Variants in SPPL2C observed in about 807,000 individuals in gnomAD.
SPPL2C encodes signal peptide peptidase-like 2C.
Under a neutral mutation model 38.8 loss-of-function variants are expected in SPPL2C, and 33 were observed. The ratio of observed to expected loss-of-function variants is 0.85; its 90% CI spans 0.64 to 1.14. The LOEUF is 1.14. Among genes scored for constraint, SPPL2C ranks in the 50% most tolerant of loss-of-function variants. The pLI, the probability that SPPL2C is intolerant of heterozygous loss-of-function variation, is 0.00. For missense variants in SPPL2C, 899 were observed against 904.4 expected, an observed-to-expected ratio of 0.99 and a Z score of 0.08; for synonymous variants, 384 against 390.7, an observed-to-expected ratio of 0.98 and a Z score of 0.20.
Position 45,845,393 on chromosome 17 carries a change from A to T in SPPL2C, c.487A>T (p.Ser163Cys), listed in dbSNP as rs1187034858. Residue 163 changes from serine to cysteine, a missense_variant, in exon 1 of 1, where the codon AGC becomes TGC. Coordinates refer to ENST00000329196, the MANE Select transcript of SPPL2C (RefSeq NM_175882.3). ...CTATGCTGACATGCTGGACATCCTC[A>T]GCCACACTCGTGGGGAGGCCGTCGT... ...LHYADMLDIL[S>C]HTRGEAVVRV... 2.5e-6 allele frequency: 4 copies of T among 1,613,510 alleles called. No individual in the cohort carries two copies. Among genetic ancestry groups the T allele is most frequent in the Non-Finnish European group, 3.4e-6 (4 of 1,180,032 alleles).
rs77011359 is a variant in SPPL2C at position 45,846,396 on chromosome 17, G to T, written c.1490G>T (p.Gly497Val). The change falls in exon 1 of 1, where the codon GGC (glycine) becomes GTC (valine). Residue 497 changes from glycine to valine, a missense_variant. Physicochemically the swap from Gly to Val is moderately radical, Grantham distance 109. Coordinates refer to ENST00000329196, the MANE Select transcript of SPPL2C (RefSeq NM_175882.3). ...ATGGCCATGGTCCTCATGCAGATGG[G>T]CCAACCTGCCTTGCTCTACCTAGTG... Reference protein sequence around the residue: ...TFMAMVLMQMGQPALLYLVSS... With the variant: ...TFMAMVLMQMVQPALLYLVSS... The T allele has an allele frequency of 7.4e-6, 12 of 1,613,438 alleles. No individual in the cohort carries two copies. In the East Asian group the frequency reaches 2.7e-4, roughly 36 times the overall value.
Position 45,846,366 on chromosome 17 carries a change from C to A in SPPL2C, c.1460C>A (p.Thr487Lys). 1 of 1,613,924 alleles carries A rather than the reference C, an allele frequency of 6.2e-7. No individual in the cohort carries two copies. Among genetic ancestry groups the A allele is most frequent in the Non-Finnish European group, 8.5e-7 (1 of 1,180,048 alleles). The change falls in exon 1 of 1, where the codon ACA (threonine) becomes AAA (lysine). Residue 487 changes from threonine (T) to lysine (K), a missense_variant. Physicochemically the swap from Thr to Lys is moderately conservative, Grantham distance 78 (BLOSUM62 -1). Coordinates refer to ENST00000329196, the MANE Select transcript of SPPL2C (RefSeq NM_175882.3). ...TVAYAVGLLV[T>K]FMAMVLMQMG... ...GCCTATGCTGTGGGCCTGCTGGTCA[C>A]ATTCATGGCCATGGTCCTCATGCAG... is the stretch of plus-strand genomic sequence containing the variant.
In SPPL2C at chr17:45,846,048, C is replaced by T; in HGVS notation, c.1142C>T (p.Ala381Val). 1 of 1,614,202 alleles carries T rather than the reference C, an allele frequency of 6.2e-7. No individual in the cohort carries two copies. Among genetic ancestry groups the T allele is most frequent in the Non-Finnish European group, 8.5e-7 (1 of 1,180,036 alleles). The change falls in exon 1 of 1, where the codon GCC becomes GTC. Residue 381 changes from alanine (A) to valine (V), a missense_variant. Coordinates refer to ENST00000329196, the MANE Select transcript of SPPL2C (RefSeq NM_175882.3). ...TLKNCSSFLL[A>V]LLAFDVFFVF... Reference sequence around the variant, plus strand: ...AAGAACTGCTCCTCCTTCCTGCTGGCCCTGCTGGCCTTTGATGTCTTCTTT... The same window carrying T: ...AAGAACTGCTCCTCCTTCCTGCTGGTCCTGCTGGCCTTTGATGTCTTCTTT...
Position 45,845,562 on chromosome 17 carries a change from G to A in SPPL2C, c.656G>A (p.Arg219Gln), listed in dbSNP as rs377550825. The part of the protein sequence containing the change: ...EANRLQRRRA[R>Q]RGGGSGGHHQ... Reference sequence around the variant, plus strand: ...AACCGGCTACAGCGGCGCCGTGCCCGAAGAGGAGGGGGGTCTGGTGGTCAC... The same window carrying A: ...AACCGGCTACAGCGGCGCCGTGCCCAAAGAGGAGGGGGGTCTGGTGGTCAC... Residue 219 changes from arginine to glutamine, a missense_variant, in exon 1 of 1, where the codon CGA (arginine) becomes CAA (glutamine). Physicochemically the swap from Arg to Gln is conservative, Grantham distance 43. Coordinates refer to ENST00000329196, the MANE Select transcript of SPPL2C (RefSeq NM_175882.3). 180 of 1,602,940 alleles carry A rather than the reference G, an allele frequency of 1.1e-4. No individual in the cohort carries two copies. The highest frequency in any genetic ancestry group is 1.3e-4 in the Admixed American group (8 of 59,808).
In SPPL2C at chr17:45,846,853, T is replaced by C. The variant is rs12373124; in HGVS notation, c.1947T>C (p.His649=). The change falls in exon 1 of 1, where the codon CAT becomes CAC. Residue 649 remains histidine, a synonymous_variant. Coordinates refer to ENST00000329196, the MANE Select transcript of SPPL2C (RefSeq NM_175882.3). ...TGCCCCCGCCCTCAGAGCTGGGCCA[T>C]GTCCATGCCCAGGCCCAGGCCCACG... ...PLMPPPSELG[H]VHAQAQAHET... 0.19 allele frequency: 304,483 copies of C among 1,613,288 alleles called. 32,769 individuals carry two copies. Among genetic ancestry groups the C allele is most frequent in the Non-Finnish European group, 0.22 (261,307 of 1,179,686 alleles).
In SPPL2C at chr17:45,846,395, G is replaced by A. The variant is rs756059301; in HGVS notation, c.1489G>A (p.Gly497Ser). 1.2e-6 allele frequency: 2 copies of A among 1,613,404 alleles called. No homozygotes were observed. Among genetic ancestry groups the A allele is most frequent in the East Asian group, 2.2e-5 (1 of 44,884 alleles). ...CATGGCCATGGTCCTCATGCAGATG[G>A]GCCAACCTGCCTTGCTCTACCTAGT... ...TFMAMVLMQM[G>S]QPALLYLVSS... The change falls in exon 1 of 1, where the codon GGC (glycine) becomes AGC (serine). Residue 497 changes from glycine to serine, a missense_variant. Transcript: ENST00000329196.
Position 45,846,773 on chromosome 17 carries a change from G to C in SPPL2C, c.1867G>C (p.Glu623Gln). The change falls in exon 1 of 1, where the codon GAG becomes CAG. Residue 623 changes from glutamate to glutamine, a missense_variant. Coordinates refer to ENST00000329196, the MANE Select transcript of SPPL2C (RefSeq NM_175882.3). ...GCCCTTCATCCCCCCTGGGGCCTCGGAGGAGCTGATGCCACTGATGCCAAT... is the reference window on the plus strand; with the variant it reads ...GCCCTTCATCCCCCCTGGGGCCTCGCAGGAGCTGATGCCACTGATGCCAAT... ...ELPFIPPGAS[E>Q]ELMPLMPMAM... The C allele has an allele frequency of 6.2e-7, 1 of 1,614,140 alleles. No individual in the cohort carries two copies. Among genetic ancestry groups the C allele is most frequent in the Middle Eastern group, 1.6e-4 (1 of 6,062 alleles).
Position 45,845,208 on chromosome 17 carries a change from G to A in SPPL2C, c.302G>A (p.Cys101Tyr), listed in dbSNP as rs774466747. The A allele has an allele frequency of 2.5e-5, 40 of 1,613,708 alleles. No individual in the cohort carries two copies. The highest frequency in any genetic ancestry group is 9.3e-6 in the Non-Finnish European group (11 of 1,179,882). Reference sequence around the variant, plus strand: ...ACTGCCATGGTCATGAGGGGTAACTGCAGCTTCCACACGAAAGGCTGGCTG... The same window carrying A: ...ACTGCCATGGTCATGAGGGGTAACTACAGCTTCCACACGAAAGGCTGGCTG... ...QTTAMVMRGN[C>Y]SFHTKGWLAQ... is the part of the protein sequence containing the mutation. Residue 101 changes from cysteine (C) to tyrosine (Y), a missense_variant, in exon 1 of 1, where the codon TGC (cysteine) becomes TAC (tyrosine). Coordinates refer to ENST00000329196, the MANE Select transcript of SPPL2C (RefSeq NM_175882.3).
In SPPL2C at chr17:45,845,900, G is replaced by A. The variant is rs62054815; in HGVS notation, c.994G>A (p.Ala332Thr). ...LPLLLLASLCATVIIFWVAYR... is the reference protein window; with the variant it reads ...LPLLLLASLCTTVIIFWVAYR... ...TCTGCTGCTGCTGGCGAGCCTGTGC[G>A]CAACCGTGATCATCTTCTGGGTGGC... is the stretch of plus-strand genomic sequence containing the variant. The change falls in exon 1 of 1, where the codon GCA becomes ACA. Residue 332 changes from alanine (A) to threonine (T), a missense_variant. Coordinates refer to ENST00000329196, the MANE Select transcript of SPPL2C (RefSeq NM_175882.3). 304,036 of 1,606,420 alleles carry A rather than the reference G, an allele frequency of 0.19. 32,753 individuals are homozygous for A. The highest frequency in any genetic ancestry group is 0.22 in the Non-Finnish European group (261,276 of 1,179,914).
chr17:45,846,440 A>T lies in SPPL2C; in HGVS notation c.1534A>T (p.Ser512Cys), dbSNP rs373603573. ...CCTAGTGTCCAGCACCCTGCTCACC[A>T]GCCTGGCTGTGGCTGCCTGCCGCCA... ...LYLVSSTLLT[S>C]LAVAACRQEL... Residue 512 changes from serine (S) to cysteine (C), a missense_variant, in exon 1 of 1, where the codon AGC becomes TGC. Transcript: ENST00000329196. The T allele has an allele frequency of 1.9e-6, 3 of 1,612,978 alleles. No homozygotes were observed. The highest frequency in any genetic ancestry group is 2.5e-6 in the Non-Finnish European group (3 of 1,180,034).
chr17:45,847,035 A>G lies in SPPL2C; in HGVS notation c.*74A>G. Reference sequence around the variant, plus strand: ...CAGAGCAAAGCCATGCATGGCAACAAGAAATCAGGGTATCAAAGAGATTTC... The same window carrying G: ...CAGAGCAAAGCCATGCATGGCAACAGGAAATCAGGGTATCAAAGAGATTTC... On this transcript the variant is annotated 3_prime_UTR_variant, in exon 1 of 1. Transcript: ENST00000329196. 2.1e-6 allele frequency: 3 copies of G among 1,435,734 alleles called. No homozygotes were observed. The South Asian group carries it at 4.1e-5, about 20-fold the overall frequency. 88.9% of individuals were successfully genotyped at this position (1,435,734 alleles called of 1,614,324 possible). A position where few individuals can be genotyped will look rare whatever the true frequency, so the allele number is the denominator to read the frequency against.
In SPPL2C at chr17:45,845,166, G is replaced by A. The variant is rs371164977; in HGVS notation, c.260G>A (p.Arg87Gln). The part of the protein sequence containing the change: ...HQAQLRSPSQ[R>Q]PLRQTTAMVM... Reference sequence around the variant, plus strand: ...GCCCAGCTCCGCTCCCCCAGCCAGCGGCCCCTCCGCCAGACCACTGCCATG... The same window carrying A: ...GCCCAGCTCCGCTCCCCCAGCCAGCAGCCCCTCCGCCAGACCACTGCCATG... The change falls in exon 1 of 1, where the codon CGG (arginine) becomes CAG (glutamine). Residue 87 changes from arginine to glutamine, a missense_variant. Coordinates refer to ENST00000329196, the MANE Select transcript of SPPL2C (RefSeq NM_175882.3). 2.8e-5 allele frequency: 45 copies of A among 1,612,384 alleles called. No homozygotes were observed. The Middle Eastern group carries it at 9.9e-4, about 35-fold the overall frequency.
chr17:45,845,920 G>C lies in SPPL2C; in HGVS notation c.1014G>C (p.Trp338Cys). ...TGTGCGCAACCGTGATCATCTTCTG[G>C]GTGGCCTACCGCAATGAGGACCGCT... ...ASLCATVIIFWVAYRNEDRWA... is the reference protein window; with the variant it reads ...ASLCATVIIFCVAYRNEDRWA... The change falls in exon 1 of 1, where the codon TGG becomes TGC. Residue 338 changes from tryptophan (W) to cysteine (C), a missense_variant. Transcript: ENST00000329196. The C allele has an allele frequency of 1.2e-6, 2 of 1,607,944 alleles. No homozygotes were observed. Among genetic ancestry groups the C allele is most frequent in the Non-Finnish European group, 1.7e-6 (2 of 1,179,996 alleles).
rs913720141 is a variant in SPPL2C at position 45,845,699 on chromosome 17, T to C, written c.793T>C (p.Ser265Pro). Residue 265 changes from serine to proline, a missense_variant, in exon 1 of 1, where the codon TCG becomes CCG. Physicochemically the swap from Ser to Pro is moderately conservative, Grantham distance 74 (BLOSUM62 -1). Transcript: ENST00000329196. ...MTGVVVTLSC[S>P]LMLLLYFFYD... ...AGGCGTGGTGGTCACCCTGTCCTGC[T>C]CGCTCATGCTGCTGCTCTACTTCTT... The C allele has an allele frequency of 3.7e-6, 6 of 1,613,740 alleles. No individual in the cohort carries two copies. In the African/African-American group the frequency reaches 4.0e-5, roughly 11 times the overall value.
In SPPL2C at chr17:45,846,760, C is replaced by A. The variant is rs759005483; in HGVS notation, c.1854C>A (p.Pro618=). Residue 618 remains proline, a synonymous_variant, in exon 1 of 1, where the codon CCC becomes CCA. Coordinates refer to ENST00000329196, the MANE Select transcript of SPPL2C (RefSeq NM_175882.3). The part of the protein sequence containing the change: ...HLDPNELPFI[P]PGASEELMPL... The stretch of plus-strand genomic sequence containing the variant: ...ATCCTAATGAGCTGCCCTTCATCCC[C>A]CCTGGGGCCTCGGAGGAGCTGATGC... The A allele has an allele frequency of 1.9e-6, 3 of 1,614,180 alleles. No individual in the cohort carries two copies. Among genetic ancestry groups the A allele is most frequent in the Non-Finnish European group, 2.5e-6 (3 of 1,180,030 alleles).
Position 45,846,656 on chromosome 17 carries a change from G to A in SPPL2C, c.1750G>A (p.Val584Ile). 6.2e-7 allele frequency: 1 copy of A among 1,614,246 alleles called. No individual in the cohort carries two copies. Among genetic ancestry groups the A allele is most frequent in the Non-Finnish European group, 8.5e-7 (1 of 1,180,040 alleles). Residue 584 changes from valine to isoleucine, a missense_variant, in exon 1 of 1, where the codon GTC becomes ATC. By Grantham distance (29) the Val-to-Ile change is conservative (BLOSUM62 3). Coordinates refer to ENST00000329196, the MANE Select transcript of SPPL2C (RefSeq NM_175882.3). ...SNPGEDTTEI[V>I]TISENEATNP... is the part of the protein sequence containing the mutation. ...CCCTGGAGAAGACACCACTGAGATTGTCACCATATCTGAGAATGAAGCCAC... is the reference window on the plus strand; with the variant it reads ...CCCTGGAGAAGACACCACTGAGATTATCACCATATCTGAGAATGAAGCCAC...
Position 45,845,863 on chromosome 17 carries a change from T to C in SPPL2C, c.957T>C (p.Ser319=). 2 of 1,605,752 alleles carry C rather than the reference T, an allele frequency of 1.2e-6. No homozygotes were observed. Among genetic ancestry groups the C allele is most frequent in the Non-Finnish European group, 1.7e-6 (2 of 1,179,976 alleles). The part of the protein sequence containing the change: ...YQRPPHSLWA[S]LPLPLLLLAS... ...GGCCTCCGCACAGCCTCTGGGCCTC[T>C]CTGCCGCTGCCTCTGCTGCTGCTGG... The change falls in exon 1 of 1, where the codon TCT becomes TCC. Residue 319 remains serine (S), a synonymous_variant. Transcript: ENST00000329196.
chr17:45,845,736 T>C lies in SPPL2C; in HGVS notation c.830T>C (p.Phe277Ser). ...CTGCTCTACTTCTTCTATGACCACT[T>C]TGTCTATGTCACCATTGGGATCTTT... ...MLLLYFFYDH[F>S]VYVTIGIFGL... The change falls in exon 1 of 1, where the codon TTT becomes TCT. Residue 277 changes from phenylalanine (F) to serine (S), a missense_variant. Phe to Ser is a radical substitution (Grantham distance 155). Transcript: ENST00000329196. 6.2e-7 allele frequency: 1 copy of C among 1,613,432 alleles called. No individual in the cohort carries two copies. The highest frequency in any genetic ancestry group is 8.5e-7 in the Non-Finnish European group (1 of 1,180,026).
At position 45,847,045 on chromosome 17, in the gene SPPL2C, G is replaced by A; in HGVS notation, c.*84G>A. On this transcript the variant is annotated 3_prime_UTR_variant, in exon 1 of 1. Coordinates refer to ENST00000329196, the MANE Select transcript of SPPL2C (RefSeq NM_175882.3). Reference sequence around the variant, plus strand: ...CCATGCATGGCAACAAGAAATCAGGGTATCAAAGAGATTTCATATCTACCC... The same window carrying A: ...CCATGCATGGCAACAAGAAATCAGGATATCAAAGAGATTTCATATCTACCC... The A allele has an allele frequency of 1.4e-6, 2 of 1,391,342 alleles. No homozygotes were observed. Among genetic ancestry groups the A allele is most frequent in the Non-Finnish European group, 1.9e-6 (2 of 1,036,816 alleles). The allele number at this position is 1,391,342 out of a possible 1,614,324, so 86.2% of individuals were successfully genotyped here.
Sources: gnomAD v4.1 joint callset for allele counts on GRCh38, gnomAD v4.1.1 for gene constraint, MANE v1.5 for transcripts, NCBI Gene and HGNC (gene_info 2026-07-23, HGNC 2026-07-21) for gene names.